The following PLCL1 variants were observed in gnomAD, a reference collection of about 807,000 sequenced individuals.
The protein encoded by PLCL1 is inactive phospholipase C-like protein 1.
In PLCL1, 41 loss-of-function variants were observed where a neutral mutation model predicts 84.4. The observed-to-expected ratio is 0.49, with a 90% CI of 0.38 to 0.63. The LOEUF is 0.63. Among genes scored for constraint, PLCL1 ranks in the 30% least tolerant of loss-of-function variants. The probability of loss-of-function intolerance (pLI) is 0.00; values close to 1 mark genes in which losing one functional copy is unlikely to be tolerated. For missense variants in PLCL1, 1,206 were observed against 1,367.8 expected (o/e 0.88, Z 1.87); for synonymous variants, 490 against 488.3 (o/e 1.00, Z -0.05).
intron 1 of PLCL1, among the ~76,000 whole-genome samples, chr2:198,012,098 A>G (rs1690881265): frequency 6.6e-6 from 1 of 152,144 alleles, no homozygotes; most frequent in South Asian, 2.1e-4. Flanking sequence ...TTATAGGCAC[A>G]GTTAGGCAGC....
chr2:197,925,619 G>A (rs1424032246), intron 1 of PLCL1, among the ~76,000 whole-genome samples: 1 of 152,128 alleles, frequency 6.6e-6, no homozygotes, highest in African/African-American at 2.4e-5. Context: ...TGTATCTTAT[G>A]GAGGAAATCA....
At chr2:198,103,468 G>A (rs1312248368) in intron 4 of PLCL1, among the ~76,000 whole-genome samples, 1 of 151,950 alleles carries the variant, frequency 6.6e-6, no homozygotes, top group Non-Finnish European at 1.5e-5. Flanking sequence ...ACTTTTAAAT[G>A]TACAATTAAC....
At chr2:198,079,502 G>C (rs944149192) in intron 1 of PLCL1, among the ~76,000 whole-genome samples, 2 of 152,018 alleles carry the variant, frequency 1.3e-5, no homozygotes, top group Non-Finnish European at 2.9e-5. Context: ...AGATTAGATA[G>C]AAATTATCTT....
At position 198,085,610 on chromosome 2, in the gene PLCL1, C is replaced by A; in HGVS notation, c.2093C>A (p.Ser698Tyr). The part of the protein sequence containing the change: ...NGGCGYVLRP[S>Y]IMRDEVSYFS... ...GGATGTGGTTATGTTCTAAGGCCGT[C>A]TATAATGCGAGATGAAGTTTCTTAC... The change falls in exon 2 of 6, where the codon TCT (serine) becomes TAT (tyrosine). Residue 698 changes from serine (S) to tyrosine (Y), a missense_variant. Ser to Tyr is a moderately radical substitution (Grantham distance 144). Coordinates refer to ENST00000428675, the MANE Select transcript of PLCL1 (RefSeq NM_006226.4). This position sits in a 1 kb window ranked among gnomAD's most constrained non-coding sequence, Gnocchi z 5.3. 1 of 1,614,072 alleles carries A rather than the reference C, an allele frequency of 6.2e-7. No homozygotes were observed. The highest frequency in any genetic ancestry group is 8.5e-7 in the Non-Finnish European group (1 of 1,179,984).
rs1417643013 is a variant in PLCL1 at position 198,020,835 on chromosome 2, TCAA to T, written c.241-62921_241-62919del. ...CATCCACCTGCCAATATTCAACTGA[TCAA>T]CGAGGCAGAAAATTAGCAAGAATAT... On this transcript the variant is annotated intron_variant, in intron 1 of 5. Coordinates refer to ENST00000428675, the MANE Select transcript of PLCL1 (RefSeq NM_006226.4). 2.0e-5 allele frequency among the ~76,000 whole-genome samples: 3 copies of T among 152,024 alleles called. No homozygotes were observed. In the East Asian group the frequency reaches 5.8e-4, roughly 29 times the overall value.
chr2:197,984,170 C>G (rs1690173761), intron 1 of PLCL1, among the ~76,000 whole-genome samples: 1 of 152,168 alleles, frequency 6.6e-6, no homozygotes, highest in African/African-American at 2.4e-5. Context: ...TCTTGAAATT[C>G]TAAACATGTT....
At chr2:198,071,781 T>C (rs754219724) in intron 1 of PLCL1, among the ~76,000 whole-genome samples, 2 of 151,898 alleles carry the variant, frequency 1.3e-5, no homozygotes, top group Non-Finnish European at 3.0e-5. Flanking sequence ...CTGGTCTTAA[T>C]ATATTTGTTA....
chr2:197,941,100 G>T (rs1689150187), intron 1 of PLCL1, among the ~76,000 whole-genome samples: 1 of 152,108 alleles, frequency 6.6e-6, no homozygotes, highest in African/African-American at 2.4e-5. Flanking sequence ...CAAGCACTGA[G>T]ATTAAACTAG....
intron 1 of PLCL1, among the ~76,000 whole-genome samples, chr2:197,967,181 C>T (rs763361300): frequency 2.0e-4 from 31 of 151,882 alleles, no homozygotes; most frequent in Non-Finnish European, 3.8e-4. Flanking sequence ...AGAATCACCA[C>T]GTTACATTAG....
chr2:197,830,442 CTAAA>C (rs1691032773), intron 1 of PLCL1, among the ~76,000 whole-genome samples: 1 of 151,582 alleles, frequency 6.6e-6, no homozygotes, highest in East Asian at 2.0e-4. Context: ...ATCGACTTAA[CTAAA>C]TAAAGTGTGA....
At chr2:197,886,132 C>T (rs940173352) in intron 1 of PLCL1, among the ~76,000 whole-genome samples, 3 of 152,110 alleles carry the variant, frequency 2.0e-5, no homozygotes, top group Non-Finnish European at 4.4e-5. Context: ...AAATTCCTAG[C>T]TGGGAGCAGT....
intron 1 of PLCL1, among the ~76,000 whole-genome samples, chr2:197,928,982 T>C (rs1688882428): frequency 1.3e-5 from 2 of 152,230 alleles, no homozygotes; most frequent in African/African-American, 2.4e-5. Flanking sequence ...TACACTTTTC[T>C]TTAATTTTTT....
At chr2:197,981,814 A>C (rs991978026) in intron 1 of PLCL1, among the ~76,000 whole-genome samples, 1 of 152,216 alleles carries the variant, frequency 6.6e-6, no homozygotes, top group African/African-American at 2.4e-5. Context: ...AAAGAAGCTT[A>C]GAAGGATCTT....
intron 1 of PLCL1, among the ~76,000 whole-genome samples, chr2:197,954,577 G>A (rs1269804220): frequency 1.3e-5 from 2 of 152,000 alleles, no homozygotes; most frequent in Non-Finnish European, 2.9e-5. Context: ...ATAATACGAT[G>A]GCATCATGTA....
intron 1 of PLCL1, among the ~76,000 whole-genome samples, chr2:197,941,821 T>A (rs1238985673): frequency 6.6e-6 from 1 of 152,154 alleles, no homozygotes; most frequent in East Asian, 1.9e-4. Context: ...TAATACTGTT[T>A]GGAATTATTT....
chr2:198,125,803 C>T (rs1428277719), intron 5 of PLCL1, among the ~76,000 whole-genome samples: 3 of 152,070 alleles, frequency 2.0e-5, no homozygotes, highest in Non-Finnish European at 2.9e-5. Flanking sequence ...CATCCTCTGG[C>T]AGGTGTCAGC....
intron 1 of PLCL1, among the ~76,000 whole-genome samples, chr2:198,041,355 A>G (rs1691659128): frequency 6.6e-6 from 1 of 152,096 alleles, no homozygotes; most frequent in Non-Finnish European, 1.5e-5. Context: ...ATTTTGACCG[A>G]AATAAGTAGA....
chr2:198,109,342 A>G (rs1693561908), intron 5 of PLCL1, among the ~76,000 whole-genome samples: 2 of 151,822 alleles, frequency 1.3e-5, no homozygotes. Flanking sequence ...ACAGGGCACT[A>G]ATCACCTCCT....
intron 5 of PLCL1, among the ~76,000 whole-genome samples, chr2:198,125,421 C>T (rs1256429859): frequency 6.6e-6 from 1 of 151,952 alleles, no homozygotes; most frequent in African/African-American, 2.4e-5. Context: ...AAATAAACAA[C>T]ATGTGGTTTA....
Sources: allele counts gnomAD v4.1 joint callset (sites outside exome capture counted in the v4.1 genomes callset), GRCh38; gene constraint gnomAD v4.1.1; non-coding constraint Gnocchi (gnomAD v3.1); transcripts MANE v1.5; gene names NCBI Gene and HGNC (gene_info 2026-07-23, HGNC 2026-07-21).